The following CD99L2 variants were observed in gnomAD, a reference collection of about 807,000 sequenced individuals.
CD99L2 encodes the protein CD99 antigen-like protein 2.
In CD99L2, 24 loss-of-function variants were observed where a neutral mutation model predicts 27.3. The observed-to-expected ratio is 0.88, with a 90% CI of 0.64 to 1.24. The LOEUF (loss-of-function observed/expected upper bound fraction) is 1.24, where lower values mean the gene tolerates loss of function less well. CD99L2 is among the 50% of genes most tolerant of loss of function. The pLI is 0.00. For synonymous variants in CD99L2, 97 were observed against 87.9 expected, an observed-to-expected ratio of 1.10 and a Z score of -0.58; for missense variants, 255 against 221.6, an observed-to-expected ratio of 1.15 and a Z score of -0.96.
intron 1 of CD99L2, among the ~76,000 whole-genome samples, chrX:150,867,894 A>C (rs1557422091): frequency 7.5e-4 from 5 of 6,668 alleles, no homozygotes; most frequent in Non-Finnish European, 1.5e-3. Context: ...CTCTGTCTCA[A>C]AAAAAAAAAA....
chrX:150,854,417 C>T lies in CD99L2; in HGVS notation c.68-23124G>A, dbSNP rs1485926281. On this transcript the variant is annotated intron_variant, in intron 1 of 10. Coordinates refer to ENST00000370377, the MANE Select transcript of CD99L2 (RefSeq NM_031462.4). ...TGGGGACTTGTTGGCAGCTAACCCA[C>T]AAAGTCTTTCCTTAGCATAGGCAAA... Among the ~76,000 whole-genome samples, 2 of 111,812 alleles carry T rather than the reference C, an allele frequency of 1.8e-5. 1 individual carries two copies. Among genetic ancestry groups the T allele is most frequent in the Admixed American group, 1.9e-4 (2 of 10,545 alleles).
chrX:150,892,766 TTC>T (rs2047539351), intron 1 of CD99L2, among the ~76,000 whole-genome samples: 1 of 110,760 alleles, frequency 9.0e-6, no homozygotes, highest in Non-Finnish European at 1.9e-5. Context: ...TGAAGGCAAC[TTC>T]AGGCCCTTCC....
At chrX:150,831,777 T>C (rs1263985600) in intron 1 of CD99L2, among the ~76,000 whole-genome samples, 2 of 111,792 alleles carry the variant, frequency 1.8e-5, no homozygotes, top group African/African-American at 6.5e-5. Context: ...AAATAGACTT[T>C]TAAAGTCAAA....
At chrX:150,862,836 A>AAG (rs368518966) in intron 1 of CD99L2, among the ~76,000 whole-genome samples, 3,257 of 106,087 alleles carry the variant, frequency 0.031, 153 homozygotes, top group African/African-American at 0.11. Flanking sequence ...AAGAAAGAGA[A>AAG]AGAGAGAGAG....
chrX:150,795,119 T>C (rs1432371231), intron 6 of CD99L2, 87 bp downstream of exon 6: 6 of 1,048,712 alleles, frequency 5.7e-6, no homozygotes, highest in Non-Finnish European at 8.0e-6. Context: ...TGGCTTGAAG[T>C]GCCTCCAGCT....
At chrX:150,832,815 C>T (rs1194050654) in intron 1 of CD99L2, among the ~76,000 whole-genome samples, 7 of 110,752 alleles carry the variant, frequency 6.3e-5, no homozygotes, top group African/African-American at 2.3e-4. Flanking sequence ...TTTGGGAGGC[C>T]GAGGCGGGCA....
At chrX:150,879,307 T>C (rs2047283410) in intron 1 of CD99L2, among the ~76,000 whole-genome samples, 1 of 111,154 alleles carries the variant, frequency 9.0e-6, no homozygotes, top group African/African-American at 3.3e-5. Context: ...AAGAGAGATG[T>C]TGAAGGATGA....
Sources: allele counts gnomAD v4.1 joint callset (sites outside exome capture counted in the v4.1 genomes callset), GRCh38; gene constraint gnomAD v4.1.1; transcripts MANE v1.5; gene names NCBI Gene and HGNC (gene_info 2026-07-23, HGNC 2026-07-21).